Variants in ALG12 observed in about 807,000 individuals in gnomAD.
The protein encoded by ALG12 is dol-P-Man:Man(7)GlcNAc(2)-PP-Dol alpha-1,6-mannosyltransferase.
In ALG12, 36 loss-of-function variants were observed where a neutral mutation model predicts 46.0. That is an observed-to-expected ratio of 0.78 (90% CI 0.60 to 1.03). The LOEUF is 1.03. ALG12 is among the 50% of genes least tolerant of loss of function. ALG12 has a pLI of 0.00. For missense variants in ALG12, 599 were observed against 633.5 expected (o/e 0.95, Z 0.58); for synonymous variants, 326 against 291.6 (o/e 1.12, Z -1.20).
chr22:49,896,074 C>G (rs1037915320), downstream of ALG12, among the ~76,000 whole-genome samples: 1 of 152,212 alleles, frequency 6.6e-6, no homozygotes, highest in Non-Finnish European at 1.5e-5. Context: ...ATGTCCATGT[C>G]AGCCTTTCAG....
rs369529121 is a variant in ALG12 at position 49,901,642 on chromosome 22, GCA to G, written c.*2194_*2195del. On this transcript the variant is annotated 3_prime_UTR_variant, in exon 10 of 10. Coordinates refer to ENST00000330817, the MANE Select transcript of ALG12 (RefSeq NM_024105.4). ...TGCGTGGTGGGTATGTATGGTGTGT[GCA>G]CGTGTGATCATGCATGTATGGTGTG... The G allele has an allele frequency of 0.26, 38,231 of 149,174 alleles. 9,652 individuals are homozygous for G. Among genetic ancestry groups the G allele is most frequent in the African/African-American group, 0.66 (26,749 of 40,398 alleles). The allele number at this position is 149,174 out of a possible 1,614,324, so 9.2% of individuals were successfully genotyped here. A position where few individuals can be genotyped will look rare whatever the true frequency, so the allele number is the denominator to read the frequency against.
the ALG12 span, among the ~76,000 whole-genome samples, chr22:49,862,138 G>A: frequency 1.3e-5 from 2 of 152,224 alleles, no homozygotes; most frequent in African/African-American, 2.4e-5. Flanking sequence ...GATGTAGCAC[G>A]GAGCAGTTGA....
chr22:49,868,782 G>T, the ALG12 span, among the ~76,000 whole-genome samples: 1 of 152,066 alleles, frequency 6.6e-6, no homozygotes, highest in Non-Finnish European at 1.5e-5. Context: ...TCTGCCAGGA[G>T]GGTGGGAGCC....
At chr22:49,872,101 A>G in the ALG12 span, among the ~76,000 whole-genome samples, 6,982 of 152,306 alleles carry the variant, frequency 0.046, 367 homozygotes, top group African/African-American at 0.13. Context: ...CTTCTATGAA[A>G]GAGTTCTCCA....
In ALG12 at chr22:49,907,512, C is replaced by T. The variant is rs759396369; in HGVS notation, c.992+209G>A. ...TAAAAAACAGCCCTGGTGGCTCACACCTGCAATCCCAGCACTTCCAGAGGA... is the reference window on the plus strand; with the variant it reads ...TAAAAAACAGCCCTGGTGGCTCACATCTGCAATCCCAGCACTTCCAGAGGA... On this transcript the variant is annotated intron_variant, in intron 7 of 9. Coordinates refer to ENST00000330817, the MANE Select transcript of ALG12 (RefSeq NM_024105.4). 4.5e-4 allele frequency among the ~76,000 whole-genome samples: 69 copies of T among 152,216 alleles called. 1 individual carries two copies. Among genetic ancestry groups the T allele is most frequent in the Non-Finnish European group, 1.8e-4 (12 of 68,046 alleles).
chr22:49,887,068 A>G, the ALG12 span: 2 of 1,614,228 alleles, frequency 1.2e-6, no homozygotes, highest in South Asian at 1.1e-5. Flanking sequence ...AAAGCTGTTC[A>G]ACACACCCAC....
Position 49,904,406 on chromosome 22 carries a change from CAT to C in ALG12, c.1091_1092del (p.Tyr364CysfsTer30). 6.2e-7 allele frequency: 1 copy of C among 1,614,200 alleles called. No individual in the cohort carries two copies. Among genetic ancestry groups the C allele is most frequent in the Non-Finnish European group, 8.5e-7 (1 of 1,180,032 alleles). ...VNAAYSATALYVSHFNYPGGV... is the reference protein window; with the variant it reads ...VNAAYSATALXVSHFNYPGGV... ...CCACCTGGGTAGTTGAAATGGGACACATACAGGGCCGTGGCTGAGTAGGCGGC... is the reference window on the plus strand; with the variant it reads ...CCACCTGGGTAGTTGAAATGGGACACACAGGGCCGTGGCTGAGTAGGCGGC... On this transcript the variant is annotated frameshift_variant, in exon 8 of 10. Transcript: ENST00000330817. LOFTEE classifies it high-confidence loss of function.
chr22:49,888,085 G>A, the ALG12 span: 4 of 167,238 alleles, frequency 2.4e-5, no homozygotes, highest in Non-Finnish European at 5.9e-5. Flanking sequence ...TATTAACAGG[G>A]AAGAAGCTTG....
rs1456626843 is a variant in ALG12 at position 49,906,763 on chromosome 22, G to A, written c.992+958C>T. The stretch of plus-strand genomic sequence containing the variant: ...CCCATCAAGGCAGCAAACTCTGAAC[G>A]GGCACAGAGCTGGCCAGCCTCAGCC... On this transcript the variant is annotated intron_variant, in intron 7 of 9. Transcript: ENST00000330817. The surrounding 1 kb of genome is among the most constrained non-coding windows in gnomAD (Gnocchi z 4.4). Among the ~76,000 whole-genome samples, 4 of 152,274 alleles carry A rather than the reference G, an allele frequency of 2.6e-5. No individual in the cohort carries two copies. The highest frequency in any genetic ancestry group is 1.9e-4 in the East Asian group (1 of 5,174).
chr22:49,891,286 T>C, the ALG12 span, among the ~76,000 whole-genome samples: 7 of 152,226 alleles, frequency 4.6e-5, no homozygotes, highest in Non-Finnish European at 5.9e-5. Context: ...AAAATTTCCA[T>C]TGAAAGCTCT....
chr22:49,893,575 A>T, the ALG12 span, among the ~76,000 whole-genome samples: 1 of 152,186 alleles, frequency 6.6e-6, no homozygotes, highest in East Asian at 1.9e-4. Flanking sequence ...CTCAAAAGTG[A>T]GGATGAACTT....
the ALG12 span, among the ~76,000 whole-genome samples, chr22:49,882,125 G>A: frequency 3.3e-5 from 5 of 152,168 alleles, no homozygotes; most frequent in South Asian, 2.1e-4. Context: ...GAGGAATGTC[G>A]GGTTCAGCTC....
Position 49,901,790 on chromosome 22 carries a change from G to GTATGCA in ALG12, c.*2047_*2048insTGCATA, listed in dbSNP as rs2060508551. ...GGTAATGTGCACGTGTGCACTGTGT[G>GTATGCA]TGGTATGTATGCATGGTGTGTGCAC... On this transcript the variant is annotated 3_prime_UTR_variant, in exon 10 of 10. Coordinates refer to ENST00000330817, the MANE Select transcript of ALG12 (RefSeq NM_024105.4). 1 of 131,898 alleles carries GTATGCA rather than the reference G, an allele frequency of 7.6e-6. No homozygotes were observed. Among genetic ancestry groups the GTATGCA allele is most frequent in the Non-Finnish European group, 1.6e-5 (1 of 64,040 alleles). 8.2% of individuals were successfully genotyped at this position (131,898 alleles called of 1,614,324 possible). A position where few individuals can be genotyped will look rare whatever the true frequency, so the allele number is the denominator to read the frequency against.
downstream of ALG12, among the ~76,000 whole-genome samples, chr22:49,895,690 G>A (rs970821790): frequency 4.6e-5 from 7 of 151,720 alleles, no homozygotes; most frequent in Non-Finnish European, 7.4e-5. Context: ...TGTAAGGAGA[G>A]TTTGTATCCT....
rs2146615132 is a variant in ALG12 at position 49,913,803 on chromosome 22, A to G, written c.-38T>C. The stretch of plus-strand genomic sequence containing the variant: ...GCTTCACGTACCTTCACAGGCCAAC[A>G]GTGCGAGACACCAGCCGTTAGCACT... On this transcript the variant is annotated 5_prime_UTR_variant, in exon 2 of 10. Transcript: ENST00000330817. 2 of 1,610,484 alleles carry G rather than the reference A, an allele frequency of 1.2e-6. No homozygotes were observed. The highest frequency in any genetic ancestry group is 1.7e-6 in the Non-Finnish European group (2 of 1,179,914).
the ALG12 span, among the ~76,000 whole-genome samples, chr22:49,870,129 A>G: frequency 6.6e-6 from 1 of 152,176 alleles, no homozygotes; most frequent in Non-Finnish European, 1.5e-5. Flanking sequence ...CTCCAGATGC[A>G]TGCATGTTGC....
the ALG12 span, among the ~76,000 whole-genome samples, chr22:49,879,625 T>C: frequency 1.2e-4 from 17 of 137,970 alleles, no homozygotes; most frequent in Admixed American, 1.5e-4. Context: ...GTTTTTCTCC[T>C]GGTCAGTGTC....
chr22:49,867,398 G>A, the ALG12 span, among the ~76,000 whole-genome samples: 37 of 152,310 alleles, frequency 2.4e-4, no homozygotes, highest in South Asian at 6.2e-4. Flanking sequence ...GAGGCACTGC[G>A]GTGCATCCAC....
chr22:49,904,650 G>GT (rs2060533545), intron 7 of ALG12, 144 bp from the exon 8 acceptor site: 2 of 941,376 alleles, frequency 2.1e-6, no homozygotes, highest in African/African-American at 3.3e-5. Context: ...AACAGAGTCA[G>GT]TAACCCGTAA....
Sources: gnomAD v4.1 joint callset for allele counts (sites outside exome capture counted in the v4.1 genomes callset) on GRCh38, gnomAD v4.1.1 for gene constraint, Gnocchi (gnomAD v3.1) non-coding constraint, MANE v1.5 for transcripts, NCBI Gene and HGNC (gene_info 2026-07-23, HGNC 2026-07-21) for gene names.